RP1: variants seen among roughly 807,000 people sequenced by gnomAD.
The protein encoded by RP1 is RP1 axonemal microtubule associated.
Under a neutral mutation model 14.8 loss-of-function variants are expected in RP1, and 16 were observed. The ratio of observed to expected loss-of-function variants is 1.08; its 90% CI spans 0.73 to 1.65. The LOEUF (loss-of-function observed/expected upper bound fraction) is 1.65. Among genes scored for constraint, RP1 ranks in the 40% most tolerant of loss-of-function variants. The pLI is 0.00. For missense variants in RP1, 2,631 were observed against 2,535.0 expected (o/e 1.04, Z -0.81); for synonymous variants, 876 against 883.6 (o/e 0.99, Z 0.15).
At chr8:54,658,279 C>T (rs1238701146) in intron 6 of RP1, among the ~76,000 whole-genome samples, 3 of 151,946 alleles carry the variant, frequency 2.0e-5, no homozygotes, top group East Asian at 1.9e-4. Flanking sequence ...AGGCCGGGCG[C>T]GGTGGCTCAC....
At chr8:54,842,055 C>A (rs1262994237) in intron 25 of RP1, among the ~76,000 whole-genome samples, 1 of 152,134 alleles carries the variant, frequency 6.6e-6, no homozygotes, top group Non-Finnish European at 1.5e-5. Context: ...TGCCTGCTGA[C>A]AACCTATAGC....
intron 24 of RP1, among the ~76,000 whole-genome samples, chr8:54,827,540 G>T (rs1229091773): frequency 6.6e-6 from 1 of 151,680 alleles, no homozygotes. Context: ...ATGTTGCCTA[G>T]GCTGGTCTTG....
At chr8:54,586,938 C>T (rs551793533) in intron 1 of RP1, among the ~76,000 whole-genome samples, 1 of 152,336 alleles carries the variant, frequency 6.6e-6, no homozygotes, top group Admixed American at 6.5e-5. Flanking sequence ...ACCGCTTGCG[C>T]TTCCTGGGTG....
chr8:54,814,883 C>T (rs968776274), intron 24 of RP1, among the ~76,000 whole-genome samples: 1 of 152,200 alleles, frequency 6.6e-6, no homozygotes, highest in Non-Finnish European at 1.5e-5. Flanking sequence ...CGAATGCCAC[C>T]ACCTGGCCAC....
intron 3 of RP1, among the ~76,000 whole-genome samples, chr8:54,642,563 T>C (rs1346393856): frequency 6.6e-6 from 1 of 152,158 alleles, no homozygotes; most frequent in East Asian, 1.9e-4. Context: ...TTTGCTTTAT[T>C]CTTTTAAAAT....
intron 23 of RP1, among the ~76,000 whole-genome samples, chr8:54,781,708 T>C (rs1307202944): frequency 6.6e-6 from 1 of 152,204 alleles, no homozygotes; most frequent in African/African-American, 2.4e-5. Context: ...AGTTAAGTGA[T>C]TAGATTTTTA....
intron 3 of RP1, among the ~76,000 whole-genome samples, chr8:54,624,090 A>G (rs545342846): frequency 6.6e-6 from 1 of 152,294 alleles, no homozygotes; most frequent in South Asian, 2.1e-4. Flanking sequence ...GATCTCTTCT[A>G]AAGAGTGGTT....
At chr8:54,704,459 TC>T (rs1402182787) in intron 14 of RP1, among the ~76,000 whole-genome samples, 1 of 152,134 alleles carries the variant, frequency 6.6e-6, no homozygotes, top group East Asian at 1.9e-4. Context: ...ATAGTTAACA[TC>T]AAAGATCACT....
chr8:54,813,064 G>C (rs1212565048), intron 24 of RP1, among the ~76,000 whole-genome samples: 1 of 152,206 alleles, frequency 6.6e-6, no homozygotes, highest in Non-Finnish European at 1.5e-5. Context: ...TGGTGAGGAG[G>C]TGTTAACGGG....
chr8:54,865,005 G>A (rs992799437), intron 27 of RP1, among the ~76,000 whole-genome samples: 1 of 151,786 alleles, frequency 6.6e-6, no homozygotes, highest in African/African-American at 2.4e-5. Flanking sequence ...ATTTATTTAT[G>A]GCTTTTTTTG....
intron 3 of RP1, among the ~76,000 whole-genome samples, chr8:54,638,459 C>T (rs1398025386): frequency 4.6e-5 from 7 of 151,360 alleles, no homozygotes; most frequent in African/African-American, 9.7e-5. Flanking sequence ...AAAAACATAC[C>T]GTTATTCTCA....
chr8:54,656,033 T>G, intron 5 of RP1: 1 of 1,365,102 alleles, frequency 7.3e-7, no homozygotes, highest in South Asian at 1.5e-5. Context: ...TATTTGACAC[T>G]TTGATAAAGC....
downstream of RP1, among the ~76,000 whole-genome samples, chr8:54,632,258 G>T (rs1249986791): frequency 2.0e-5 from 3 of 152,086 alleles, no homozygotes; most frequent in African/African-American, 7.2e-5. Context: ...AGAAGATTGA[G>T]GAAATCATTT....
At chr8:54,827,052 A>T (rs890293396) in intron 24 of RP1, among the ~76,000 whole-genome samples, 1 of 152,136 alleles carries the variant, frequency 6.6e-6, no homozygotes, top group African/African-American at 2.4e-5. Context: ...AAAATGGTAT[A>T]CCTGTACAGG....
intron 1 of RP1, among the ~76,000 whole-genome samples, chr8:54,577,149 G>T (rs1402937638): frequency 6.6e-6 from 1 of 152,044 alleles, no homozygotes; most frequent in Non-Finnish European, 1.5e-5. Context: ...CTGAGTAGCT[G>T]GGATTACAGG....
chr8:54,579,954 C>G (rs1302491026), intron 1 of RP1, among the ~76,000 whole-genome samples: 1 of 152,212 alleles, frequency 6.6e-6, no homozygotes, highest in Non-Finnish European at 1.5e-5. Context: ...TCCTCCTGGG[C>G]TAGGAGAGGA....
exon 24 of RP1, chr8:54,783,593 C>G: frequency 5.7e-6 from 7 of 1,231,476 alleles, no homozygotes. Context: ...TTGAAAATGC[C>G]GGCACCACGG....
intron 17 of RP1, among the ~76,000 whole-genome samples, chr8:54,727,937 G>A (rs1196545267): frequency 6.6e-6 from 1 of 151,864 alleles, no homozygotes; most frequent in African/African-American, 2.4e-5. Flanking sequence ...TGGCAATACA[G>A]CAGAAATGGA....
At chr8:54,761,218 T>G (rs536075945) in intron 22 of RP1, among the ~76,000 whole-genome samples, 32 of 151,622 alleles carry the variant, frequency 2.1e-4, no homozygotes, top group South Asian at 1.5e-3. Flanking sequence ...ACCCATCATT[T>G]CTTGCGCTAC....
Sources: allele counts gnomAD v4.1 joint callset (sites outside exome capture counted in the v4.1 genomes callset), GRCh38; gene constraint gnomAD v4.1.1; transcripts MANE v1.5; gene names NCBI Gene and HGNC (gene_info 2026-07-23, HGNC 2026-07-21).